Variants in ABI3BP observed in about 807,000 individuals in gnomAD.
ABI3BP encodes the protein ABI family member 3 binding protein, also known as target of Nesh-SH3.
A neutral mutation model predicts 268.6 loss-of-function variants in ABI3BP; 216 were observed. The observed-to-expected ratio is 0.80, with a 90% CI of 0.72 to 0.90. The LOEUF (loss-of-function observed/expected upper bound fraction) is 0.90, where lower values mean the gene tolerates loss of function less well. Among genes scored for constraint, ABI3BP ranks in the 40% least tolerant of loss-of-function variants. The probability of loss-of-function intolerance (pLI) is 0.00; values close to 1 mark genes in which losing one functional copy is unlikely to be tolerated. For synonymous variants in ABI3BP, 730 were observed against 730.0 expected, an observed-to-expected ratio of 1.00 and a Z score of 0.00; for missense variants, 2,090 against 2,182.4, an observed-to-expected ratio of 0.96 and a Z score of 0.84.
intron 9 of ABI3BP, 44 bp downstream of exon 9, chr3:100,874,797 T>C: frequency 1.7e-6 from 2 of 1,148,372 alleles, no homozygotes; most frequent in Non-Finnish European, 2.6e-6. Context: ...TCAGTGCTAG[T>C]ACTCAGTTAC....
intron 63 of ABI3BP, among the ~76,000 whole-genome samples, chr3:100,757,390 T>G (rs1476101754): frequency 6.6e-6 from 1 of 152,096 alleles, no homozygotes; most frequent in Non-Finnish European, 1.5e-5. Flanking sequence ...TCCTCAAAAC[T>G]GAGAAGAAAA....
At chr3:100,894,952 A>AAAAAAAAAAAAAAAAAAG (rs1561384128) in intron 4 of ABI3BP, among the ~76,000 whole-genome samples, 1 of 111,624 alleles carries the variant, frequency 9.0e-6, no homozygotes, top group Non-Finnish European at 2.3e-5. Flanking sequence ...AAAAAAAAAA[A>AAAAAAAAAAAAAAAAAAG]AAAAAAAAAA....
chr3:100,894,960 A>C (rs1336831133), intron 4 of ABI3BP, among the ~76,000 whole-genome samples: 18 of 145,580 alleles, frequency 1.2e-4, no homozygotes, highest in African/African-American at 4.3e-4. Flanking sequence ...AAAAAAAAAA[A>C]AAAAAAACAG....
intron 1 of ABI3BP, among the ~76,000 whole-genome samples, chr3:100,971,782 A>G (rs1319312281): frequency 2.0e-5 from 3 of 152,324 alleles, no homozygotes; most frequent in South Asian, 2.1e-4. Context: ...GATTTCATTC[A>G]TCTGCTCATC....
At chr3:100,806,330 G>C (rs1337952796) in intron 50 of ABI3BP, among the ~76,000 whole-genome samples, 2 of 152,026 alleles carry the variant, frequency 1.3e-5, no homozygotes, top group East Asian at 3.9e-4. Flanking sequence ...CATATAAACA[G>C]GACACTCTCC....
At chr3:100,796,353 AT>A (rs201011497) in intron 52 of ABI3BP, 55 bp downstream of exon 52, 247,131 of 1,169,016 alleles carry the variant, frequency 0.21, 19,875 homozygotes, top group South Asian at 0.27. Context: ...TACTTCAAGA[AT>A]TTTTTTTTTT....
At chr3:100,844,419 A>T (rs2098744263) in intron 20 of ABI3BP, 1 of 985,418 alleles carries the variant, frequency 1.0e-6, no homozygotes, top group Non-Finnish European at 1.2e-6. Context: ...AACAAGCCCA[A>T]ATCAATGTGG....
rs756731166 is a variant in ABI3BP, at chr3:100,753,858, A to G, written c.4931-10T>C. 2.5e-6 allele frequency: 4 copies of G among 1,606,614 alleles called. No individual in the cohort carries two copies. On this transcript the variant is annotated splice_polypyrimidine_tract_variant and intron_variant, in intron 64 of 67. Transcript: ENST00000471714. ...CTCACTCTTGGGTCCGCTGAGGAGA[A>G]ATAAATAGAAAAGTCAGACCTTACT...
chr3:100,808,224 T>G lies in ABI3BP; in HGVS notation c.3619A>C (p.Thr1207Pro). 6.2e-7 allele frequency: 1 copy of G among 1,610,198 alleles called. No individual in the cohort carries two copies. Among genetic ancestry groups the G allele is most frequent in the Non-Finnish European group, 8.5e-7 (1 of 1,177,894 alleles). ...TTTGGCTTAGGAGGAGCACGTGGTGTCTGCTTGGGAGCTAAAAGAAAGGAT... is the reference window on the plus strand; with the variant it reads ...TTTGGCTTAGGAGGAGCACGTGGTGGCTGCTTGGGAGCTAAAAGAAAGGAT... Reference protein sequence around the residue: ...EPQTEPAPKQTPRAPPKPKTS... With the variant: ...EPQTEPAPKQPPRAPPKPKTS... The change falls in exon 50 of 68, where the codon ACA becomes CCA. Residue 1207 changes from threonine (T) to proline (P), a missense_variant. Physicochemically the swap from Thr to Pro is conservative, Grantham distance 38 (BLOSUM62 -1). Coordinates refer to ENST00000471714, the MANE Select transcript of ABI3BP (RefSeq NM_001375547.2).
At chr3:100,931,476 T>C (rs1032908713) in intron 1 of ABI3BP, among the ~76,000 whole-genome samples, 1 of 152,134 alleles carries the variant, frequency 6.6e-6, no homozygotes, top group African/African-American at 2.4e-5. Context: ...GCCAAAAGGC[T>C]ACTAGAAATG....
chr3:100,923,191 T>G (rs569746121), intron 2 of ABI3BP, among the ~76,000 whole-genome samples: 76 of 152,302 alleles, frequency 5.0e-4, no homozygotes, highest in African/African-American at 1.7e-3. Context: ...CTAGGTTCTT[T>G]GAGATGCACA....
At chr3:100,894,756 G>A (rs192837308) in intron 4 of ABI3BP, among the ~76,000 whole-genome samples, 5 of 151,614 alleles carry the variant, frequency 3.3e-5, no homozygotes, top group East Asian at 1.9e-4. Context: ...TGGCTAACAC[G>A]GTGAAACCCC....
chr3:100,911,068 C>CA lies in ABI3BP; in HGVS notation c.260-8383_260-8382insT, dbSNP rs2056242252. 4.4e-5 allele frequency: 10 copies of CA among 225,792 alleles called. No homozygotes were observed. In the South Asian group the frequency reaches 7.4e-4, roughly 17 times the overall value. 14.0% of individuals were successfully genotyped at this position (225,792 alleles called of 1,614,324 possible). A position where few individuals can be genotyped will look rare whatever the true frequency, so the allele number is the denominator to read the frequency against. On this transcript the variant is annotated intron_variant, in intron 2 of 67. Coordinates refer to ENST00000471714, the MANE Select transcript of ABI3BP (RefSeq NM_001375547.2). ...TGTAGATGCTTTTTCTTGGTTACTACTATCAGTATCTGTTTTACATGGTTT... is the reference window on the plus strand; with the variant it reads ...TGTAGATGCTTTTTCTTGGTTACTACATATCAGTATCTGTTTTACATGGTTT...
intron 15 of ABI3BP, among the ~76,000 whole-genome samples, chr3:100,851,477 C>T (rs1350710561): frequency 1.3e-5 from 2 of 152,134 alleles, no homozygotes; most frequent in Non-Finnish European, 2.9e-5. Context: ...GTTGTGACAA[C>T]CAAAACTGTC....
chr3:100,888,165 C>T (rs1477546826), intron 4 of ABI3BP, among the ~76,000 whole-genome samples: 4 of 152,036 alleles, frequency 2.6e-5, no homozygotes, highest in Non-Finnish European at 4.4e-5. Context: ...GGGCTCCATT[C>T]CCCCATTCCA....
At position 100,938,929 on chromosome 3, in the gene ABI3BP, G is replaced by A. The variant is rs544459421; in HGVS notation, c.80-12448C>T. 1.1e-3 allele frequency among the ~76,000 whole-genome samples: 167 copies of A among 152,204 alleles called. 2 individuals are homozygous for A. Among genetic ancestry groups the A allele is most frequent in the African/African-American group, 3.9e-3 (162 of 41,530 alleles). ...CTTTGGTGGTGGTGGACGTTGTTGG[G>A]GGGGCATGTGTGTGTGCATGCACAT... is the stretch of plus-strand genomic sequence containing the variant. On this transcript the variant is annotated intron_variant, in intron 1 of 67. Transcript: ENST00000471714.
intron 33 of ABI3BP, among the ~76,000 whole-genome samples, 192 bp downstream of exon 33, chr3:100,829,389 A>G (rs1264311204): frequency 6.6e-6 from 1 of 152,170 alleles, no homozygotes; most frequent in Admixed American, 6.5e-5. Context: ...AGAGAATTGA[A>G]TGAGAAGTAA....
At chr3:100,887,865 C>T (rs141944498) in intron 4 of ABI3BP, among the ~76,000 whole-genome samples, 6 of 152,020 alleles carry the variant, frequency 3.9e-5, no homozygotes, top group Non-Finnish European at 8.8e-5. Context: ...AAACTGGCTA[C>T]GTAATTTGTG....
intron 2 of ABI3BP, among the ~76,000 whole-genome samples, chr3:100,913,060 T>C (rs1014718632): frequency 3.3e-5 from 5 of 152,218 alleles, no homozygotes; most frequent in African/African-American, 1.2e-4. Flanking sequence ...AGTAGAATGC[T>C]GTTGTCTCCT....
Sources: allele counts gnomAD v4.1 joint callset (sites outside exome capture counted in the v4.1 genomes callset), GRCh38; gene constraint gnomAD v4.1.1; transcripts MANE v1.5; gene names NCBI Gene and HGNC (gene_info 2026-07-23, HGNC 2026-07-21).